The following AXIN1 variants were observed in gnomAD, a reference collection of about 807,000 sequenced individuals.
The protein encoded by AXIN1 is axin-1.
AXIN1 carries 30 observed loss-of-function variants against 76.4 expected under a neutral mutation model. The ratio of observed to expected loss-of-function variants is 0.39; its 90% CI spans 0.29 to 0.53. The LOEUF is 0.53. Among genes scored for constraint, AXIN1 ranks in the 20% least tolerant of loss-of-function variants. The probability of loss-of-function intolerance (pLI) is 0.66; values close to 1 mark genes in which losing one functional copy is unlikely to be tolerated. For missense variants in AXIN1, 1,140 were observed against 1,198.8 expected (o/e 0.95, Z 0.72); for synonymous variants, 545 against 501.4 (o/e 1.09, Z -1.16).
intron 2 of AXIN1, 85 bp downstream of exon 2, chr16:346,063 G>A (rs114092883): frequency 0.011 from 15,774 of 1,400,108 alleles, 133 homozygotes; most frequent in Non-Finnish European, 0.013. Context: ...GTGGGTTAAC[G>A]CCCGCCTCAT....
intron 2 of AXIN1, among the ~76,000 whole-genome samples, chr16:316,904 G>A (rs140796336): frequency 2.6e-5 from 4 of 152,262 alleles, no homozygotes; most frequent in African/African-American, 9.6e-5. Context: ...TGTGTCCCCC[G>A]AGGGGTGATG....
intron 2 of AXIN1, among the ~76,000 whole-genome samples, chr16:324,275 T>C (rs61501224): frequency 0.035 from 5,268 of 149,628 alleles, 319 homozygotes; most frequent in African/African-American, 0.12. Flanking sequence ...TGCCATGGCA[T>C]GGGGGCTACA....
chr16:306,904 C>T (rs370447934), intron 4 of AXIN1, among the ~76,000 whole-genome samples: 2 of 152,174 alleles, frequency 1.3e-5, no homozygotes, highest in Admixed American at 6.5e-5. Flanking sequence ...CCGGTGTGTC[C>T]GGGTGTGTGG....
intron 5 of AXIN1, chr16:299,092 T>C: frequency 1.0e-6 from 1 of 985,406 alleles, no homozygotes; most frequent in Non-Finnish European, 1.2e-6. Flanking sequence ...AGGAGAACCT[T>C]GTACAGAACG....
chr16:328,057 G>A (rs1171150038), intron 2 of AXIN1, among the ~76,000 whole-genome samples: 2 of 152,128 alleles, frequency 1.3e-5, no homozygotes. Flanking sequence ...ACCCACCTGA[G>A]TGAAAAGGCC....
intron 2 of AXIN1, among the ~76,000 whole-genome samples, chr16:319,479 G>A (rs112869124): frequency 2.8e-4 from 42 of 152,278 alleles, no homozygotes; most frequent in African/African-American, 9.1e-4. Context: ...AACACCTGTG[G>A]GGTTTGACAG....
In AXIN1 at chr16:320,743, A is replaced by ATTTTTTTTTTT. The variant is rs71299927; in HGVS notation, c.879-6071_879-6061dup. ...TGTGTGTATATATATATATATATAT[A>ATTTTTTTTTTT]TTTTTTTTTTTTTTGAGACGGAGCC... On this transcript the variant is annotated intron_variant, in intron 2 of 10. Coordinates refer to ENST00000262320, the MANE Select transcript of AXIN1 (RefSeq NM_003502.4). 2.9e-3 allele frequency among the ~76,000 whole-genome samples: 313 copies of ATTTTTTTTTTT among 107,556 alleles called. 5 individuals are homozygous for ATTTTTTTTTTT. The highest frequency in any genetic ancestry group is 4.6e-3 in the African/African-American group (99 of 21,752). 70.6% of individuals were successfully genotyped at this position (107,556 alleles called of 152,430 possible).
At chr16:302,101 GAAGCA>G (rs994941907) in intron 5 of AXIN1, among the ~76,000 whole-genome samples, 191 of 152,366 alleles carry the variant, frequency 1.3e-3, no homozygotes, top group African/African-American at 4.4e-3. Flanking sequence ...GCCACCCCAG[GAAGCA>G]AGCGAGCCGC....
In AXIN1 at chr16:288,538, G is replaced by A. The variant is rs189448875; in HGVS notation, c.2463-290C>T. ...CAGGAGTTGCAGGGGGGAAGTGGAC[G>A]GGTGTGGGGTGTCTGCTTCCCAAGG... is the stretch of plus-strand genomic sequence containing the variant. On this transcript the variant is annotated intron_variant, in intron 10 of 10. Transcript: ENST00000262320. 1.8e-3 allele frequency among the ~76,000 whole-genome samples: 274 copies of A among 152,320 alleles called. 3 individuals are homozygous for A. Among genetic ancestry groups the A allele is most frequent in the African/African-American group, 6.1e-3 (254 of 41,546 alleles).
At chr16:302,997 G>T (rs1328515591) in intron 5 of AXIN1, among the ~76,000 whole-genome samples, 1 of 152,132 alleles carries the variant, frequency 6.6e-6, no homozygotes, top group East Asian at 1.9e-4. Context: ...GAATACCTGG[G>T]ACCACAGGTG....
At position 304,250 on chromosome 16, in the gene AXIN1, C is replaced by A. The variant is rs554927609; in HGVS notation, c.1254+54G>T. On this transcript the variant is annotated intron_variant, in intron 5 of 10. Coordinates refer to ENST00000262320, the MANE Select transcript of AXIN1 (RefSeq NM_003502.4). ...GAAGAACATCAGGACATCCCGGCGGCAAGAAAACAGCACGACACCGACGCG... is the reference window on the plus strand; with the variant it reads ...GAAGAACATCAGGACATCCCGGCGGAAAGAAAACAGCACGACACCGACGCG... The A allele has an allele frequency of 3.7e-6, 6 of 1,602,376 alleles. No individual in the cohort carries two copies. The Admixed American group carries it at 5.0e-5, about 13-fold the overall frequency.
rs911819767 is a variant in AXIN1 at position 314,605 on chromosome 16, G to A, written c.957C>T (p.Asn319=). 18 of 1,613,878 alleles carry A rather than the reference G, an allele frequency of 1.1e-5. No individual in the cohort carries two copies. Among genetic ancestry groups the A allele is most frequent in the African/African-American group, 5.3e-5 (4 of 74,914 alleles). The part of the protein sequence containing the change: ...GYALAPATSA[N]DSEQQSLSSD... ...TGGACAGGCTCTGCTGCTCGCTGTC[G>A]TTGGCACTGGTGGCTGGGGCCAGGG... Residue 319 remains asparagine, a synonymous_variant, in exon 3 of 11, where the codon AAC becomes AAT. Coordinates refer to ENST00000262320, the MANE Select transcript of AXIN1 (RefSeq NM_003502.4).
At chr16:344,007 C>CAAAA (rs35154860) in intron 2 of AXIN1, among the ~76,000 whole-genome samples, 1 of 129,784 alleles carries the variant, frequency 7.7e-6, no homozygotes, top group Non-Finnish European at 1.7e-5. Context: ...GACTCCATTT[C>CAAAA]AAAAAAAAAA....
At chr16:302,225 T>A (rs2052892668) in intron 5 of AXIN1, among the ~76,000 whole-genome samples, 1 of 152,188 alleles carries the variant, frequency 6.6e-6, no homozygotes, top group Non-Finnish European at 1.5e-5. Flanking sequence ...AGGTTCCCGA[T>A]ATTGGAGGAC....
intron 3 of AXIN1, among the ~76,000 whole-genome samples, chr16:311,715 G>A (rs1385980946): frequency 2.6e-5 from 4 of 152,148 alleles, no homozygotes; most frequent in Admixed American, 2.6e-4. Flanking sequence ...AGGTTGCAGT[G>A]AGGCGAGATT....
At chr16:327,648 C>G (rs1054507402) in intron 2 of AXIN1, among the ~76,000 whole-genome samples, 17 of 152,254 alleles carry the variant, frequency 1.1e-4, no homozygotes, top group African/African-American at 4.1e-4. Context: ...CCACACCTGC[C>G]ATCCCGGGAG....
chr16:339,944 AGC>A (rs1291982772), intron 2 of AXIN1, among the ~76,000 whole-genome samples: 1 of 151,978 alleles, frequency 6.6e-6, no homozygotes, highest in Non-Finnish European at 1.5e-5. Context: ...CACCTTCAAC[AGC>A]ACCACCGCCT....
chr16:322,000 G>C (rs1321227387), intron 2 of AXIN1, among the ~76,000 whole-genome samples: 1 of 152,228 alleles, frequency 6.6e-6, no homozygotes, highest in East Asian at 1.9e-4. Flanking sequence ...ACACATCTGT[G>C]AGCCCTGGAT....
chr16:310,898 G>C (rs187825532), intron 3 of AXIN1, among the ~76,000 whole-genome samples: 40 of 152,240 alleles, frequency 2.6e-4, no homozygotes, highest in Non-Finnish European at 4.1e-4. Flanking sequence ...ATTGCACAGT[G>C]GGCAGCCAGG....
Sources: gnomAD v4.1 joint callset for allele counts (sites outside exome capture counted in the v4.1 genomes callset) on GRCh38, gnomAD v4.1.1 for gene constraint, MANE v1.5 for transcripts, NCBI Gene and HGNC (gene_info 2026-07-23, HGNC 2026-07-21) for gene names.